MYO3A: variants seen among roughly 807,000 people sequenced by gnomAD.
MYO3A encodes myosin IIIA.
Under a neutral mutation model 192.7 loss-of-function variants are expected in MYO3A, and 180 were observed. The ratio of observed to expected loss-of-function variants is 0.93; its 90% CI spans 0.83 to 1.06. The LOEUF (loss-of-function observed/expected upper bound fraction) is 1.06. MYO3A is among the 50% of genes least tolerant of loss of function. The pLI is 0.00. For missense variants in MYO3A, 1,896 were observed against 1,905.0 expected (o/e 1.00, Z 0.09); for synonymous variants, 628 against 645.3 (o/e 0.97, Z 0.41).
In MYO3A at chr10:26,066,998, A is replaced by G; in HGVS notation, c.977A>G (p.Lys326Arg). ...AGACGTGAACGTATTCACACGAAGA[A>G]AGGGAACTTCAACCGACCTCTAATA... ...KARRERIHTKKGNFNRPLISN... is the reference protein window; with the variant it reads ...KARRERIHTKRGNFNRPLISN... The change falls in exon 11 of 35, where the codon AAA (lysine) becomes AGA (arginine). Residue 326 changes from lysine (K) to arginine (R), a missense_variant. Coordinates refer to ENST00000642920, the MANE Select transcript of MYO3A (RefSeq NM_017433.5). 6.2e-7 allele frequency: 1 copy of G among 1,612,450 alleles called. No individual in the cohort carries two copies. The highest frequency in any genetic ancestry group is 8.5e-7 in the Non-Finnish European group (1 of 1,178,508).
At chr10:26,164,083 G>A (rs1841609374) in intron 26 of MYO3A, among the ~76,000 whole-genome samples, 1 of 152,200 alleles carries the variant, frequency 6.6e-6, no homozygotes, top group South Asian at 2.1e-4. Context: ...GTAAATAAGA[G>A]GCCTTGTTGC....
chr10:25,987,751 C>G (rs1839744723), intron 4 of MYO3A, among the ~76,000 whole-genome samples: 3 of 151,604 alleles, frequency 2.0e-5, no homozygotes, highest in South Asian at 4.1e-4. Flanking sequence ...TTTTTACACT[C>G]CCATCAACAC....
chr10:26,199,790 A>C (rs910970055), intron 32 of MYO3A, among the ~76,000 whole-genome samples: 6 of 152,164 alleles, frequency 3.9e-5, no homozygotes, highest in Non-Finnish European at 8.8e-5. Flanking sequence ...CATCTCTGTC[A>C]CTCAACATAG....
chr10:26,186,266 CTT>C (rs35154545), intron 31 of MYO3A, among the ~76,000 whole-genome samples: 44 of 129,644 alleles, frequency 3.4e-4, no homozygotes, highest in African/African-American at 3.1e-4. Flanking sequence ...TGATATCCTT[CTT>C]TTTTTTTTTT....
At chr10:26,026,608 T>A in intron 10 of MYO3A, 76 bp downstream of exon 10, 1 of 1,554,382 alleles carries the variant, frequency 6.4e-7, no homozygotes, top group Non-Finnish European at 8.8e-7. Context: ...TGTATTAGTT[T>A]TTAAGGTGAA....
chr10:25,970,088 A>G (rs1838527443), intron 4 of MYO3A, among the ~76,000 whole-genome samples: 1 of 152,280 alleles, frequency 6.6e-6, no homozygotes, highest in South Asian at 2.1e-4. Flanking sequence ...GAAAAAAGAA[A>G]TAGTCATATC....
At chr10:26,130,032 GT>G (rs958517016) in intron 20 of MYO3A, among the ~76,000 whole-genome samples, 2 of 151,848 alleles carry the variant, frequency 1.3e-5, no homozygotes, top group Non-Finnish European at 2.9e-5. Context: ...GTAGACTCTG[GT>G]TTTAGCCTTA....
chr10:26,164,823 A>G (rs1038110045), intron 26 of MYO3A, among the ~76,000 whole-genome samples: 1 of 152,124 alleles, frequency 6.6e-6, no homozygotes, highest in Non-Finnish European at 1.5e-5. Context: ...CCTGCGATGA[A>G]CTGTGAGACC....
chr10:26,131,350 A>AT (rs11332278), intron 20 of MYO3A, among the ~76,000 whole-genome samples: 1 of 151,912 alleles, frequency 6.6e-6, no homozygotes, highest in African/African-American at 2.4e-5. Context: ...ACAGTAAAAC[A>AT]TTTTTTTGTG....
At chr10:26,061,233 C>T (rs1834457745) in intron 10 of MYO3A, among the ~76,000 whole-genome samples, 1 of 152,064 alleles carries the variant, frequency 6.6e-6, no homozygotes, top group Non-Finnish European at 1.5e-5. Context: ...CCGGCCGACA[C>T]CTTGTTTTTT....
Position 26,114,224 on chromosome 10 carries a change from T to C in MYO3A, c.1777-6452T>C, listed in dbSNP as rs186358811. ...TGGGCCACTTTGTCCTGGTCCATGA[T>C]GACCCCCACCTACTTTGAGATCTGG... is the stretch of plus-strand genomic sequence containing the variant. On this transcript the variant is annotated intron_variant, in intron 17 of 34. Transcript: ENST00000642920. Among the ~76,000 whole-genome samples, 41 of 152,334 alleles carry C rather than the reference T, an allele frequency of 2.7e-4. No individual in the cohort carries two copies. The East Asian group carries it at 7.0e-3, about 26-fold the overall frequency.
intron 26 of MYO3A, among the ~76,000 whole-genome samples, chr10:26,161,847 G>T (rs1159345253): frequency 6.6e-6 from 1 of 152,012 alleles, no homozygotes; most frequent in Non-Finnish European, 1.5e-5. Flanking sequence ...CCCTCCATAA[G>T]CACGTGTGGC....
At chr10:26,010,268 C>G (rs563730497) in intron 6 of MYO3A, among the ~76,000 whole-genome samples, 10 of 152,206 alleles carry the variant, frequency 6.6e-5, no homozygotes, top group African/African-American at 2.4e-4. Flanking sequence ...TTGGAGTGAG[C>G]CAGTTACCTT....
chr10:25,981,324 A>T (rs1171819284), intron 4 of MYO3A, among the ~76,000 whole-genome samples: 1 of 152,206 alleles, frequency 6.6e-6, no homozygotes, highest in African/African-American at 2.4e-5. Context: ...TCACAGACCT[A>T]CCTGTATGTA....
At chr10:25,955,497 C>A (rs1030776763) in intron 4 of MYO3A, among the ~76,000 whole-genome samples, 3 of 152,072 alleles carry the variant, frequency 2.0e-5, no homozygotes, top group Admixed American at 6.6e-5. Flanking sequence ...AGAAAACTTA[C>A]TTAAAATGGT....
intron 10 of MYO3A, among the ~76,000 whole-genome samples, chr10:26,062,542 G>T (rs12768589): frequency 0.44 from 60,003 of 135,114 alleles, 15,659 homozygotes; most frequent in Middle Eastern, 0.57. Context: ...AATTATGGAG[G>T]AATCTAATTA....
intron 20 of MYO3A, among the ~76,000 whole-genome samples, chr10:26,130,413 C>T (rs1839463477): frequency 6.6e-6 from 1 of 152,178 alleles, no homozygotes; most frequent in African/African-American, 2.4e-5. Context: ...TCCTGGCCTA[C>T]AAGTTGCTTT....
chr10:26,073,604 C>A (rs1163513419), intron 14 of MYO3A, among the ~76,000 whole-genome samples: 1 of 84,404 alleles, frequency 1.2e-5, no homozygotes, highest in African/African-American at 3.7e-5. Context: ...GCACTCCAGC[C>A]TGGGCAACAG....
At chr10:26,079,706 G>A (rs1286981164) in intron 14 of MYO3A, among the ~76,000 whole-genome samples, 2 of 152,160 alleles carry the variant, frequency 1.3e-5, no homozygotes, top group Non-Finnish European at 2.9e-5. Flanking sequence ...TCTTATAGTG[G>A]TGGCTTGGTA....
Sources: allele counts gnomAD v4.1 joint callset (sites outside exome capture counted in the v4.1 genomes callset), GRCh38; gene constraint gnomAD v4.1.1; transcripts MANE v1.5; gene names NCBI Gene and HGNC (gene_info 2026-07-23, HGNC 2026-07-21).